The following UGT2B4 variants were observed in gnomAD, a reference collection of about 807,000 sequenced individuals.
The protein encoded by UGT2B4 is UDP-glucuronosyltransferase 2B4.
Under a neutral mutation model 49.8 loss-of-function variants are expected in UGT2B4, and 49 were observed. The ratio of observed to expected loss-of-function variants is 0.98; its 90% confidence interval spans 0.78 to 1.25. UGT2B4 has a LOEUF of 1.25. Ranked by LOEUF, UGT2B4 falls within the 50% of genes most tolerant of loss-of-function variation. The pLI is 0.00. For synonymous variants in UGT2B4, 246 were observed against 217.7 expected (o/e 1.13, Z -1.14); for missense variants, 729 against 627.7 (o/e 1.16, Z -1.73).
chr4:69,486,066 G>A (rs145305956), intron 4 of UGT2B4, among the ~76,000 whole-genome samples: 1 of 152,216 alleles, frequency 6.6e-6, no homozygotes, highest in East Asian at 1.9e-4. Flanking sequence ...CAGCCAGAAT[G>A]TGTTCTCTTA....
intron 1 of UGT2B4, among the ~76,000 whole-genome samples, chr4:69,522,235 A>C (rs1728864838): frequency 6.6e-6 from 1 of 152,188 alleles, no homozygotes; most frequent in Admixed American, 6.5e-5. Flanking sequence ...CTTCACACAC[A>C]TACACACAAT....
chr4:69,492,579 A>G (rs534680185), intron 2 of UGT2B4, among the ~76,000 whole-genome samples: 15 of 152,226 alleles, frequency 9.9e-5, no homozygotes, highest in Admixed American at 5.2e-4. Flanking sequence ...TAATCTTGAA[A>G]TGCTGAATAA....
chr4:69,510,668 T>C (rs536873173), intron 1 of UGT2B4, among the ~76,000 whole-genome samples: 4 of 152,172 alleles, frequency 2.6e-5, no homozygotes, highest in Non-Finnish European at 4.4e-5. Flanking sequence ...TTTTTGTATG[T>C]TGATTTTGTA....
upstream of UGT2B4, chr4:69,496,057 T>C: frequency 1.2e-6 from 1 of 844,774 alleles, no homozygotes. Flanking sequence ...ACAAGTGCGT[T>C]TAATGTTCTT....
At chr4:69,512,879 CT>C (rs1728642511) in intron 1 of UGT2B4, among the ~76,000 whole-genome samples, 1 of 152,064 alleles carries the variant, frequency 6.6e-6, no homozygotes. Context: ...CTATATATGT[CT>C]TCTTTTGAAA....
chr4:69,489,600 A>C, intron 2 of UGT2B4, 30 bp from the exon 3 acceptor site: 1 of 1,591,200 alleles, frequency 6.3e-7, no homozygotes, highest in Non-Finnish European at 8.5e-7. Context: ...GTTCTATCAT[A>C]ATAGATTATC....
At chr4:69,520,975 C>A (rs1417284700) in intron 1 of UGT2B4, among the ~76,000 whole-genome samples, 1 of 152,172 alleles carries the variant, frequency 6.6e-6, no homozygotes, top group East Asian at 1.9e-4. Context: ...CATGCCCACT[C>A]ATGTTCAGCC....
chr4:69,510,982 C>CTTTTTTT (rs1259714505), intron 1 of UGT2B4, among the ~76,000 whole-genome samples: 63 of 110,986 alleles, frequency 5.7e-4, no homozygotes, highest in Non-Finnish European at 6.9e-4. Context: ...TCTTTCTTTT[C>CTTTTTTT]TTTTCTTCTT....
chr4:69,506,495 T>A (rs1728471271), intron 1 of UGT2B4, among the ~76,000 whole-genome samples: 2 of 151,972 alleles, frequency 1.3e-5, no homozygotes, highest in Non-Finnish European at 2.9e-5. Context: ...GTTCCTGGAA[T>A]TATATACCCT....
chr4:69,480,643 T>C lies in UGT2B4; in HGVS notation c.1578A>G (p.Lys526=). 6.2e-7 allele frequency: 1 copy of C among 1,613,922 alleles called. No homozygotes were observed. Among genetic ancestry groups the C allele is most frequent in the South Asian group, 1.1e-5 (1 of 91,070 alleles). Residue 526 remains lysine (K), a synonymous_variant, in exon 6 of 6, where the codon AAA becomes AAG. Coordinates refer to ENST00000305107, the MANE Select transcript of UGT2B4 (RefSeq NM_021139.3). The part of the protein sequence containing the change: ...WKFVRTGKKG[K]RD ...CCAGCCTCAGACGTAATTAATCTCT[T>C]TTCCCCTTCTTTCCTGTTCTAACAA...
intron 1 of UGT2B4, among the ~76,000 whole-genome samples, chr4:69,501,687 A>T: frequency 6.6e-6 from 1 of 152,076 alleles, no homozygotes; most frequent in South Asian, 2.1e-4. Context: ...GTTTTCAGGT[A>T]TAGGGTTAGT....
chr4:69,489,369 A>T, intron 3 of UGT2B4, 70 bp downstream of exon 3: 6 of 1,584,240 alleles, frequency 3.8e-6, no homozygotes, highest in Non-Finnish European at 5.2e-6. Context: ...AGTTTCTACA[A>T]TTGGGTTCTT....
chr4:69,480,547 G>C lies in UGT2B4; in HGVS notation c.*87C>G. On this transcript the variant is annotated 3_prime_UTR_variant, in exon 6 of 6. Transcript: ENST00000305107. ...AAGATGTTTTGTCACAAGAAGAAAG[G>C]AATCTCTTGTATCACAACGTCTTCT... 4 of 1,509,760 alleles carry C rather than the reference G, an allele frequency of 2.6e-6. No homozygotes were observed. Among genetic ancestry groups the C allele is most frequent in the Non-Finnish European group, 3.5e-6 (4 of 1,127,324 alleles). The allele number at this position is 1,509,760 out of a possible 1,614,324, so 93.5% of individuals were successfully genotyped here.
At chr4:69,503,588 C>G (rs1405307467) in intron 1 of UGT2B4, among the ~76,000 whole-genome samples, 1 of 152,218 alleles carries the variant, frequency 6.6e-6, no homozygotes, top group African/African-American at 2.4e-5. Context: ...GCCAGTCCCC[C>G]ACCCTTGTGC....
intron 1 of UGT2B4, among the ~76,000 whole-genome samples, chr4:69,524,312 ACTCT>A (rs1234073364): frequency 3.9e-5 from 6 of 151,976 alleles, no homozygotes; most frequent in Non-Finnish European, 7.4e-5. Context: ...AACACGTGGT[ACTCT>A]CTCTTTCACT....
intron 5 of UGT2B4, among the ~76,000 whole-genome samples, chr4:69,481,930 CT>C (rs776599544): frequency 6.6e-6 from 1 of 152,162 alleles, no homozygotes; most frequent in Non-Finnish European, 1.5e-5. Flanking sequence ...TGATACTCCC[CT>C]GATTAAGACT....
intron 5 of UGT2B4, among the ~76,000 whole-genome samples, chr4:69,481,742 A>C (rs1203616217): frequency 2.6e-5 from 4 of 152,304 alleles, no homozygotes; most frequent in African/African-American, 7.2e-5. Context: ...TAAGTGGTAA[A>C]AGATATACAC....
intron 3 of UGT2B4, among the ~76,000 whole-genome samples, chr4:69,486,947 A>C (rs1327603371): frequency 1.3e-5 from 2 of 152,208 alleles, no homozygotes; most frequent in African/African-American, 4.8e-5. Flanking sequence ...GTATTTAAAA[A>C]GTTGTTACAC....
chr4:69,524,123 TA>T (rs370074156), intron 1 of UGT2B4, among the ~76,000 whole-genome samples: 53,299 of 151,844 alleles, frequency 0.35, 9,443 homozygotes, highest in Non-Finnish European at 0.37. Flanking sequence ...TAATGCAGAT[TA>T]ACTTCTTGCC....
Sources: allele counts gnomAD v4.1 joint callset (sites outside exome capture counted in the v4.1 genomes callset), GRCh38; gene constraint gnomAD v4.1.1; transcripts MANE v1.5; gene names NCBI Gene and HGNC (gene_info 2026-07-23, HGNC 2026-07-21).